The following KDM6A variants were observed in gnomAD, a reference collection of about 807,000 sequenced individuals.
KDM6A encodes lysine-specific demethylase 6A.
In KDM6A, 11 loss-of-function variants were observed where a neutral mutation model predicts 117.6. The ratio of observed to expected loss-of-function variants is 0.09; its 90% CI spans 0.06 to 0.15. KDM6A has a LOEUF of 0.15. Ranked by LOEUF, KDM6A falls within the 10% of genes least tolerant of loss-of-function variation. The pLI, the probability that KDM6A is intolerant of heterozygous loss-of-function variation, is 1.00. For synonymous variants in KDM6A, 384 were observed against 396.1 expected, an observed-to-expected ratio of 0.97 and a Z score of 0.36; for missense variants, 799 against 1,077.3, an observed-to-expected ratio of 0.74 and a Z score of 3.62.
At chrX:44,948,046 G>A (rs2037761831) in intron 2 of KDM6A, among the ~76,000 whole-genome samples, 1 of 111,734 alleles carries the variant, frequency 8.9e-6, no homozygotes, top group East Asian at 2.8e-4. Context: ...TAAGAACTTT[G>A]TGTTGGTCGC....
intron 4 of KDM6A, among the ~76,000 whole-genome samples, chrX:44,989,832 C>T (rs1443174594): frequency 5.4e-5 from 6 of 111,843 alleles, no homozygotes; most frequent in Admixed American, 9.5e-5. Context: ...GAAACTCCCA[C>T]GTTCTCGGTC....
chrX:45,021,035 C>T (rs1031004120), intron 6 of KDM6A, among the ~76,000 whole-genome samples: 2 of 111,489 alleles, frequency 1.8e-5, no homozygotes, highest in African/African-American at 6.5e-5. Flanking sequence ...AATAACTCCT[C>T]TAGAAATGAT....
At chrX:44,963,197 C>T (rs192049477) in intron 3 of KDM6A, among the ~76,000 whole-genome samples, 1,124 of 110,943 alleles carry the variant, frequency 0.01, 14 homozygotes, top group African/African-American at 0.035. Context: ...CACGGTGGCT[C>T]ACGCCTGTGA....
intron 4 of KDM6A, among the ~76,000 whole-genome samples, chrX:44,989,750 A>G (rs779191755): frequency 1.5e-4 from 17 of 111,528 alleles, no homozygotes; most frequent in Non-Finnish European, 2.8e-4. Flanking sequence ...AGTTTTCAAG[A>G]TACAAGACCT....
intron 2 of KDM6A, among the ~76,000 whole-genome samples, chrX:44,902,553 T>A (rs12832840): frequency 9.1e-6 from 1 of 109,751 alleles, no homozygotes; most frequent in African/African-American, 3.3e-5. Context: ...CCACACCTGG[T>A]TAATTTTTGT....
chrX:44,986,040 G>A (rs1161605848), intron 4 of KDM6A, among the ~76,000 whole-genome samples: 4 of 111,562 alleles, frequency 3.6e-5, no homozygotes, highest in African/African-American at 1.3e-4. Context: ...ATCTGGTCCT[G>A]GACTTTTTTT....
intron 9 of KDM6A, among the ~76,000 whole-genome samples, chrX:45,052,059 A>C (rs1457936756): frequency 8.9e-6 from 1 of 112,132 alleles, no homozygotes; most frequent in Non-Finnish European, 1.9e-5. Flanking sequence ...AGGATTGAAT[A>C]CTTCGTTTGT....
intron 2 of KDM6A, among the ~76,000 whole-genome samples, chrX:44,935,335 G>A (rs1438090733): frequency 1.8e-5 from 2 of 110,993 alleles, no homozygotes; most frequent in Non-Finnish European, 3.8e-5. Context: ...GAATGAGAAA[G>A]GGATATATAC....
At chrX:44,905,854 C>T (rs2034619926) in intron 2 of KDM6A, among the ~76,000 whole-genome samples, 1 of 112,382 alleles carries the variant, frequency 8.9e-6, no homozygotes, top group African/African-American at 3.2e-5. Flanking sequence ...ATTCCCTCCT[C>T]AACCATTTAA....
intron 2 of KDM6A, 145 bp downstream of exon 2, chrX:44,874,132 C>T (rs2031201398): frequency 1.9e-6 from 1 of 527,764 alleles, no homozygotes; most frequent in Admixed American, 3.0e-5. Flanking sequence ...CCTCTGCTCT[C>T]CCCCCACCCC....
chrX:44,942,226 G>T (rs1439315472), intron 2 of KDM6A, among the ~76,000 whole-genome samples: 4 of 110,283 alleles, frequency 3.6e-5, no homozygotes, highest in Non-Finnish European at 5.7e-5. Context: ...GTAGAGACGG[G>T]GTTTCACCAT....
At chrX:44,960,642 T>C (rs1442260172) in intron 2 of KDM6A, among the ~76,000 whole-genome samples, 1 of 111,993 alleles carries the variant, frequency 8.9e-6, no homozygotes, top group African/African-American at 3.2e-5. Context: ...CGAATTTATA[T>C]TGTTAAAATA....
chrX:44,974,930 C>T (rs141180558), intron 4 of KDM6A, among the ~76,000 whole-genome samples: 212 of 111,841 alleles, frequency 1.9e-3, no homozygotes, highest in African/African-American at 6.5e-3. Context: ...TCCTCTGACA[C>T]ATTTTACTGG....
intron 3 of KDM6A, among the ~76,000 whole-genome samples, chrX:44,963,084 C>G (rs937124580): frequency 1.8e-5 from 2 of 111,668 alleles, no homozygotes; most frequent in African/African-American, 6.5e-5. Flanking sequence ...ACTCTGTTAA[C>G]TAAGTTTACG....
chrX:44,934,814 T>C (rs2036872900), intron 2 of KDM6A, among the ~76,000 whole-genome samples: 1 of 111,028 alleles, frequency 9.0e-6, no homozygotes, highest in Admixed American at 9.6e-5. Context: ...ATTATGTAAA[T>C]GTTAGAATTC....
intron 18 of KDM6A, among the ~76,000 whole-genome samples, chrX:45,074,741 T>G (rs180788667): frequency 9.4e-4 from 106 of 112,581 alleles, no homozygotes; most frequent in African/African-American, 3.1e-3. Context: ...TGTCTAAAAT[T>G]GTAATTGCAA....
At chrX:45,051,665 A>G (rs41303205) in intron 8 of KDM6A, 44 bp from the exon 9 acceptor site, 55 of 760,378 alleles carry the variant, frequency 7.2e-5, no homozygotes, top group Middle Eastern at 9.0e-4. Flanking sequence ...AGTTCCTTAA[A>G]GATTATGTTA....
At chrX:44,903,337 C>T (rs1450862338) in intron 2 of KDM6A, among the ~76,000 whole-genome samples, 1 of 111,851 alleles carries the variant, frequency 8.9e-6, no homozygotes, top group Non-Finnish European at 1.9e-5. Flanking sequence ...TGATGAGGAT[C>T]GCTTGTATGT....
intron 4 of KDM6A, among the ~76,000 whole-genome samples, chrX:44,980,469 C>T (rs1419581810): frequency 9.1e-6 from 1 of 109,961 alleles, no homozygotes; most frequent in East Asian, 2.8e-4. Flanking sequence ...TTTGCTTGTT[C>T]GTGAACATGG....
Sources: gnomAD v4.1 joint callset for allele counts (sites outside exome capture counted in the v4.1 genomes callset) on GRCh38, gnomAD v4.1.1 for gene constraint, MANE v1.5 for transcripts, NCBI Gene and HGNC (gene_info 2026-07-23, HGNC 2026-07-21) for gene names.